The following CNR2 variants were observed in gnomAD, a reference collection of about 807,000 sequenced individuals.
The protein encoded by CNR2 is cannabinoid receptor 2 (macrophage).
For synonymous variants in CNR2, 172 were observed against 182.2 expected, an observed-to-expected ratio of 0.94 and a Z score of 0.45; for missense variants, 379 against 439.9, an observed-to-expected ratio of 0.86 and a Z score of 1.24.
At chr1:23,907,879 C>G (rs6671665) in intron 1 of CNR2, 145,077 of 152,016 alleles carry the variant, frequency 0.95, 69,586 homozygotes, top group East Asian at 1. Flanking sequence ...AGATTAAGAG[C>G]AAAAACGATG....
intron 1 of CNR2, among the ~76,000 whole-genome samples, chr1:23,885,897 G>A (rs1640080427): frequency 8.1e-5 from 1 of 12,284 alleles, no homozygotes; most frequent in Non-Finnish European, 2.6e-4. Context: ...AAAGGGTGGC[G>A]GCGGGGGGGT....
chr1:23,871,702 A>C lies in CNR2; in HGVS notation c.*2833T>G, dbSNP rs535324516. The C allele has an allele frequency of 2.0e-5, 3 of 152,302 alleles. No individual in the cohort carries two copies. Among genetic ancestry groups the C allele is most frequent in the African/African-American group, 7.2e-5 (3 of 41,560 alleles). The allele number at this position is 152,302 out of a possible 1,614,324, so 9.4% of individuals were successfully genotyped here. On this transcript the variant is annotated 3_prime_UTR_variant, in exon 2 of 2. Coordinates refer to ENST00000374472, the MANE Select transcript of CNR2 (RefSeq NM_001841.3). Reference sequence around the variant, plus strand: ...TACTGAGTTGAATAGTGTCCGCCTAAACTTCTTGTCCACCTGGAATCTGTG... The same window carrying C: ...TACTGAGTTGAATAGTGTCCGCCTACACTTCTTGTCCACCTGGAATCTGTG...
intron 1 of CNR2, among the ~76,000 whole-genome samples, chr1:23,899,907 G>GC: frequency 1.5e-3 from 1 of 650 alleles, no homozygotes; most frequent in South Asian, 0.17. Context: ...AAGAAAGAAA[G>GC]AGAAAGAAAG....
intron 1 of CNR2, among the ~76,000 whole-genome samples, chr1:23,878,346 C>T (rs1317833241): frequency 6.6e-6 from 1 of 151,896 alleles, no homozygotes; most frequent in African/African-American, 2.4e-5. Flanking sequence ...GCCTGGGCAA[C>T]AGAATGAGAC....
chr1:23,884,019 G>A (rs1377323776), intron 1 of CNR2, among the ~76,000 whole-genome samples: 1 of 152,038 alleles, frequency 6.6e-6, no homozygotes, highest in Non-Finnish European at 1.5e-5. Flanking sequence ...GTTGAAAACC[G>A]AGCCTTGCCT....
intron 1 of CNR2, among the ~76,000 whole-genome samples, chr1:23,900,504 CTTTTTT>C (rs56203777): frequency 3.7e-5 from 3 of 82,094 alleles, no homozygotes; most frequent in Admixed American, 1.4e-4. Context: ...TCCCTGATCT[CTTTTTT>C]TTTTTTTTTT....
intron 1 of CNR2, among the ~76,000 whole-genome samples, chr1:23,889,214 C>G (rs977117400): frequency 6.6e-6 from 1 of 152,048 alleles, no homozygotes; most frequent in African/African-American, 2.4e-5. Context: ...GTTTTTCTAA[C>G]CTGAAGTGAA....
intron 1 of CNR2, among the ~76,000 whole-genome samples, chr1:23,892,782 G>A (rs1359673421): frequency 2.0e-5 from 3 of 152,116 alleles, no homozygotes; most frequent in Non-Finnish European, 4.4e-5. Flanking sequence ...TTGGGAGGCC[G>A]AGGCAGGCGG....
intron 1 of CNR2, among the ~76,000 whole-genome samples, chr1:23,911,193 T>A (rs1238028031): frequency 6.6e-6 from 1 of 151,244 alleles, no homozygotes; most frequent in Non-Finnish European, 1.5e-5. Context: ...CCATCTGCCA[T>A]CCACAGCCAA....
intron 1 of CNR2, among the ~76,000 whole-genome samples, chr1:23,905,913 C>T (rs775664037): frequency 6.6e-6 from 1 of 152,170 alleles, no homozygotes; most frequent in Non-Finnish European, 1.5e-5. Flanking sequence ...AGCGGGATCA[C>T]GGGACACTCT....
intron 1 of CNR2, among the ~76,000 whole-genome samples, chr1:23,896,323 T>C (rs1640281664): frequency 6.6e-6 from 1 of 152,238 alleles, no homozygotes; most frequent in Non-Finnish European, 1.5e-5. Context: ...TGTTCTCAAG[T>C]AAAGACACTC....
intron 1 of CNR2, 28 bp from the exon 2 acceptor site, chr1:23,875,690 A>G: frequency 1.3e-6 from 2 of 1,500,158 alleles, no homozygotes; most frequent in Non-Finnish European, 1.8e-6. Context: ...GAAGAAAATA[A>G]TCTTTTTCAG....
At chr1:23,894,508 G>A (rs1640244803) in intron 1 of CNR2, among the ~76,000 whole-genome samples, 1 of 139,392 alleles carries the variant, frequency 7.2e-6, no homozygotes, top group Non-Finnish European at 1.6e-5. Flanking sequence ...AAGGAAGGGA[G>A]GGAAAGAAAG....
intron 1 of CNR2, among the ~76,000 whole-genome samples, chr1:23,880,303 G>A (rs1022124415): frequency 2.0e-5 from 3 of 151,406 alleles, no homozygotes; most frequent in African/African-American, 7.3e-5. Context: ...TCAGCCTCCC[G>A]AGTAGCTGGG....
At position 23,874,889 on chromosome 1, in the gene CNR2, C is replaced by CAA. The variant is rs1639840846; in HGVS notation, c.727_728dup (p.Leu243PhefsTer6). 6.2e-7 allele frequency: 1 copy of CAA among 1,613,988 alleles called. No homozygotes were observed. Among genetic ancestry groups the CAA allele is most frequent in the Non-Finnish European group, 8.5e-7 (1 of 1,180,010 alleles). ...CCAACACTAGCCCTAGGGTCTTGGC[C>CAA]AACCTCACATCCAGCCTCATTCGGG... On this transcript the variant is annotated frameshift_variant, in exon 2 of 2. Transcript: ENST00000374472. LOFTEE classifies it low-confidence loss of function (END_TRUNC).
rs1375144755 is a variant in CNR2 at position 23,871,323 on chromosome 1, T to C, written c.*3212A>G. ...GTGCCAGGCACTTGGGCATTTTCTT[T>C]GCCAAAATGAGAAAGGATTCCACCG... On this transcript the variant is annotated 3_prime_UTR_variant, in exon 2 of 2. Transcript: ENST00000374472. 6.6e-6 allele frequency: 1 copy of C among 152,166 alleles called. No homozygotes were observed. Among genetic ancestry groups the C allele is most frequent in the African/African-American group, 2.4e-5 (1 of 41,434 alleles). 9.4% of individuals were successfully genotyped at this position (152,166 alleles called of 1,614,324 possible). A position where few individuals can be genotyped will look rare whatever the true frequency, so the allele number is the denominator to read the frequency against.
At chr1:23,883,674 A>G (rs188675307) in intron 1 of CNR2, among the ~76,000 whole-genome samples, 288 of 152,178 alleles carry the variant, frequency 1.9e-3, no homozygotes, top group Middle Eastern at 0.01. Context: ...AAATACAAAA[A>G]ATTAGCCAGG....
chr1:23,909,048 C>G (rs1640543532), intron 1 of CNR2, among the ~76,000 whole-genome samples: 1 of 152,008 alleles, frequency 6.6e-6, no homozygotes, highest in African/African-American at 2.4e-5. Flanking sequence ...AGCCGTGAAG[C>G]TCACCGGACA....
At chr1:23,902,705 G>C in intron 1 of CNR2, 1 of 1,589,984 alleles carries the variant, frequency 6.3e-7, no homozygotes, top group Non-Finnish European at 8.5e-7. Flanking sequence ...GCTCGTTGTT[G>C]AACATGAGCG....
Sources: gnomAD v4.1 joint callset for allele counts (sites outside exome capture counted in the v4.1 genomes callset) on GRCh38, gnomAD v4.1.1 for gene constraint, MANE v1.5 for transcripts, NCBI Gene and HGNC (gene_info 2026-07-23, HGNC 2026-07-21) for gene names.